CUX2: variants seen among roughly 807,000 people sequenced by gnomAD.
CUX2 encodes the protein cut like homeobox 2, also known as homeobox protein cut-like 2.
Under a neutral mutation model 144.8 loss-of-function variants are expected in CUX2, and 40 were observed. The observed-to-expected ratio is 0.28, with a 90% CI of 0.21 to 0.36. The LOEUF is 0.36. CUX2 is among the 10% of genes least tolerant of loss of function. CUX2 has a pLI of 1.00. For synonymous variants in CUX2, 827 were observed against 875.6 expected, an observed-to-expected ratio of 0.94 and a Z score of 0.98; for missense variants, 1,615 against 1,994.0, an observed-to-expected ratio of 0.81 and a Z score of 3.62.
chr12:111,317,002 G>A (rs967026161), intron 16 of CUX2, among the ~76,000 whole-genome samples: 5 of 152,126 alleles, frequency 3.3e-5, no homozygotes, highest in African/African-American at 1.2e-4. Flanking sequence ...CTTGCGTCTG[G>A]CCTCTTTCAC....
intron 3 of CUX2, among the ~76,000 whole-genome samples, chr12:111,249,437 C>CTTTTT (rs1359905002): frequency 1.5e-4 from 15 of 101,212 alleles, no homozygotes; most frequent in African/African-American, 3.2e-4. Flanking sequence ...TTAATAGACC[C>CTTTTT]TTTTTTTGTT....
At chr12:111,109,539 G>A (rs1873810537) in intron 1 of CUX2, among the ~76,000 whole-genome samples, 2 of 152,144 alleles carry the variant, frequency 1.3e-5, no homozygotes, top group South Asian at 4.1e-4. Context: ...TTTCTGGGAG[G>A]ACAAGTTGAT....
Position 111,320,070 on chromosome 12 carries a change from C to A in CUX2, c.2061C>A (p.Ser687Arg). Residue 687 changes from serine (S) to arginine (R), a missense_variant, in exon 17 of 22, where the codon AGC becomes AGA. Physicochemically the swap from Ser to Arg is moderately radical, Grantham distance 110. Coordinates refer to ENST00000261726, the MANE Select transcript of CUX2 (RefSeq NM_015267.4). This position sits in a 1 kb window ranked among gnomAD's most constrained non-coding sequence, Gnocchi z 8.1. ...LSIANGTTPASTSEDAIKSIL... is the reference protein window; with the variant it reads ...LSIANGTTPARTSEDAIKSIL... ...TCGCCAACGGCACGACCCCCGCCAGCACCTCGGAGGACGCCATCAAGAGCA... is the reference window on the plus strand; with the variant it reads ...TCGCCAACGGCACGACCCCCGCCAGAACCTCGGAGGACGCCATCAAGAGCA... 1 of 1,553,412 alleles carries A rather than the reference C, an allele frequency of 6.4e-7. No homozygotes were observed. Among genetic ancestry groups the A allele is most frequent in the Middle Eastern group, 1.7e-4 (1 of 5,954 alleles).
chr12:111,153,870 C>A (rs1336642410), intron 1 of CUX2, among the ~76,000 whole-genome samples: 1 of 152,192 alleles, frequency 6.6e-6, no homozygotes, highest in Non-Finnish European at 1.5e-5. Flanking sequence ...CGGAGACCAG[C>A]AGTCCAAAAT....
At position 111,035,704 on chromosome 12, in the gene CUX2, G is replaced by A. The variant is rs1323135399; in HGVS notation, c.63+1464G>A. 6.6e-6 allele frequency among the ~76,000 whole-genome samples: 1 copy of A among 150,446 alleles called. No homozygotes were observed. Among genetic ancestry groups the A allele is most frequent in the East Asian group, 2.0e-4 (1 of 5,100 alleles). On this transcript the variant is annotated intron_variant, in intron 1 of 21. Coordinates refer to ENST00000261726, the MANE Select transcript of CUX2 (RefSeq NM_015267.4). This position sits in a 1 kb window ranked among gnomAD's most constrained non-coding sequence, Gnocchi z 6.0. Reference sequence around the variant, plus strand: ...CCCGCGCCTTCTCCCCGTCCTGGCCGCTTCCCAGTCCCCGTCCTTCCGAAC... The same window carrying A: ...CCCGCGCCTTCTCCCCGTCCTGGCCACTTCCCAGTCCCCGTCCTTCCGAAC...
chr12:111,045,226 G>A (rs12099461), intron 1 of CUX2, among the ~76,000 whole-genome samples: 11,412 of 152,164 alleles, frequency 0.075, 1,411 homozygotes, highest in African/African-American at 0.26. Flanking sequence ...CCCACCATGC[G>A]CAGGGACCCC....
chr12:111,348,478 G>C lies in CUX2; in HGVS notation c.*153G>C. ...GTTTACGTTTTTTGTTGTAATCCTA[G>C]TTCTATGAAGCTGTGTGAGCAGGTG... On this transcript the variant is annotated 3_prime_UTR_variant, in exon 22 of 22. Coordinates refer to ENST00000261726, the MANE Select transcript of CUX2 (RefSeq NM_015267.4). 1.3e-6 allele frequency: 1 copy of C among 753,280 alleles called. No individual in the cohort carries two copies. Among genetic ancestry groups the C allele is most frequent in the East Asian group, 2.7e-5 (1 of 36,814 alleles). The allele number at this position is 753,280 out of a possible 1,614,324, so 46.7% of individuals were successfully genotyped here.
intron 1 of CUX2, among the ~76,000 whole-genome samples, chr12:111,070,910 G>T (rs1327213012): frequency 6.6e-6 from 1 of 152,066 alleles, no homozygotes; most frequent in African/African-American, 2.4e-5. Flanking sequence ...CTGCATTTAA[G>T]ATTCTTCCAT....
In CUX2 at chr12:111,327,265, T is replaced by C. The variant is rs952184219; in HGVS notation, c.2926+4685T>C. Among the ~76,000 whole-genome samples the C allele has an allele frequency of 6.6e-5, 10 of 152,360 alleles. No individual in the cohort carries two copies. In the South Asian group the frequency reaches 8.3e-4, roughly 13 times the overall value. ...ATGCATCAGAATTTCCTTCCTTTTT[T>C]ATGGCTAAATGATATTCCATTGTAT... On this transcript the variant is annotated intron_variant, in intron 18 of 21. Coordinates refer to ENST00000261726, the MANE Select transcript of CUX2 (RefSeq NM_015267.4).
In CUX2 at chr12:111,077,866, G is replaced by A. The variant is rs367644543; in HGVS notation, c.63+43626G>A. On this transcript the variant is annotated intron_variant, in intron 1 of 21. Transcript: ENST00000261726. The surrounding 1 kb of genome is among the most constrained non-coding windows in gnomAD (Gnocchi z 4.1). Reference sequence around the variant, plus strand: ...TTAAGAGATAAGAACAGCAGCTAAAGGTTTGATTTAGTCTTCTGTGGTTAT... The same window carrying A: ...TTAAGAGATAAGAACAGCAGCTAAAAGTTTGATTTAGTCTTCTGTGGTTAT... Among the ~76,000 whole-genome samples, 115 of 152,288 alleles carry A rather than the reference G, an allele frequency of 7.6e-4. 1 individual carries two copies. In the South Asian group the frequency reaches 0.01, roughly 14 times the overall value.
chr12:111,285,987 T>C (rs1885361298), intron 4 of CUX2, among the ~76,000 whole-genome samples: 1 of 152,238 alleles, frequency 6.6e-6, no homozygotes, highest in Non-Finnish European at 1.5e-5. Flanking sequence ...GAAGGGATGT[T>C]GGCCAGATTG....
rs1042590334 is a variant in CUX2, at chr12:111,338,493, A to T, written c.3385+19A>T. The T allele has an allele frequency of 2.5e-6, 4 of 1,598,576 alleles. No individual in the cohort carries two copies. In the African/African-American group the frequency reaches 4.0e-5, roughly 16 times the overall value. The stretch of plus-strand genomic sequence containing the variant: ...AAGAAAGGTAAGACTTGGGCAGAGG[A>T]TGGGCCCCAGCACTGGGTCTCAGAT... On this transcript the variant is annotated intron_variant, in intron 20 of 21. Coordinates refer to ENST00000261726, the MANE Select transcript of CUX2 (RefSeq NM_015267.4).
At chr12:111,327,832 G>A (rs371923223) in intron 18 of CUX2, among the ~76,000 whole-genome samples, 3 of 152,222 alleles carry the variant, frequency 2.0e-5, no homozygotes, top group African/African-American at 4.8e-5. Context: ...TAAAGCAGGC[G>A]GATCACTTGA....
At chr12:111,078,232 T>TTC (rs1166379180) in intron 1 of CUX2, among the ~76,000 whole-genome samples, 1 of 152,176 alleles carries the variant, frequency 6.6e-6, no homozygotes, top group African/African-American at 2.4e-5. Context: ...GAGACAAGGC[T>TTC]TCTGCCCTTG....
At chr12:111,101,600 C>T in intron 1 of CUX2, among the ~76,000 whole-genome samples, 1 of 152,208 alleles carries the variant, frequency 6.6e-6, no homozygotes, top group East Asian at 1.9e-4. Context: ...ACCAGGTACT[C>T]TGCAGAATAG....
chr12:111,180,517 T>C (rs934689446), intron 1 of CUX2, among the ~76,000 whole-genome samples: 6 of 152,212 alleles, frequency 3.9e-5, no homozygotes, highest in African/African-American at 1.4e-4. Context: ...CGAGAAATAA[T>C]TTCTTTGGAT....
chr12:111,218,869 C>A (rs960855874), intron 3 of CUX2, among the ~76,000 whole-genome samples: 1 of 152,054 alleles, frequency 6.6e-6, no homozygotes, highest in Non-Finnish European at 1.5e-5. Context: ...CGCCCCACCC[C>A]GCCCATTTCT....
chr12:111,184,431 T>C (rs1055027132), intron 1 of CUX2, among the ~76,000 whole-genome samples: 3 of 152,060 alleles, frequency 2.0e-5, no homozygotes, highest in Non-Finnish European at 4.4e-5. Context: ...ACTGAATAGA[T>C]AAGACTCATC....
At chr12:111,254,889 A>T (rs1883736732) in intron 3 of CUX2, among the ~76,000 whole-genome samples, 1 of 152,104 alleles carries the variant, frequency 6.6e-6, no homozygotes, top group Non-Finnish European at 1.5e-5. Context: ...TTGCGCTGTC[A>T]CCCAGGCTGG....
Sources: allele counts gnomAD v4.1 joint callset (sites outside exome capture counted in the v4.1 genomes callset), GRCh38; gene constraint gnomAD v4.1.1; non-coding constraint Gnocchi (gnomAD v3.1); transcripts MANE v1.5; gene names NCBI Gene and HGNC (gene_info 2026-07-23, HGNC 2026-07-21).